Variants in CALCRL observed in about 807,000 individuals in gnomAD.
CALCRL encodes the protein calcitonin receptor like receptor, also known as calcitonin gene-related peptide type 1 receptor.
A neutral mutation model predicts 60.4 loss-of-function variants in CALCRL; 27 were observed. That is an observed-to-expected ratio of 0.45 (90% CI 0.33 to 0.62). CALCRL has a LOEUF of 0.62. Ranked by LOEUF, CALCRL falls within the 20% of genes least tolerant of loss-of-function variation. The pLI is 0.03. For synonymous variants in CALCRL, 190 were observed against 182.6 expected (o/e 1.04, Z -0.33); for missense variants, 424 against 540.7 (o/e 0.78, Z 2.14).
chr2:187,393,161 C>T (rs1007404956), intron 1 of CALCRL, among the ~76,000 whole-genome samples: 3 of 152,052 alleles, frequency 2.0e-5, no homozygotes, highest in African/African-American at 7.2e-5. Context: ...GGGCCACCTG[C>T]ATCAGAATCA....
Position 187,380,562 on chromosome 2 carries a change from A to C in CALCRL, c.313T>G (p.Cys105Gly), listed in dbSNP as rs764002527. The C allele has an allele frequency of 2.5e-6, 4 of 1,612,586 alleles. No homozygotes were observed. Among genetic ancestry groups the C allele is most frequent in the Non-Finnish European group, 2.5e-6 (3 of 1,178,804 alleles). Residue 105 changes from cysteine (C) to glycine (G), a missense_variant, in exon 7 of 15, where the codon TGT (cysteine) becomes GGT (glycine). Around this residue, in one of 7 missense-constraint regions of CALCRL, gnomAD observed 108 missense variants for 132.9 expected, o/e 0.81. Coordinates refer to ENST00000392370, the MANE Select transcript of CALCRL (RefSeq NM_005795.6). Reference protein sequence around the residue: ...FDPSEKVTKICDQDGNWFRHP... With the variant: ...FDPSEKVTKIGDQDGNWFRHP... The stretch of plus-strand genomic sequence containing the variant: ...CTAAACCAGTTTCCATCTTGGTCAC[A>C]GATCTTTGTAACTTTTTCTTTAAAA...
At chr2:187,369,838 A>C (rs1056687709) in intron 8 of CALCRL, among the ~76,000 whole-genome samples, 1 of 152,154 alleles carries the variant, frequency 6.6e-6, no homozygotes, top group African/African-American at 2.4e-5. Flanking sequence ...GAAACAAGAG[A>C]GTATAGAGGA....
intron 8 of CALCRL, among the ~76,000 whole-genome samples, chr2:187,372,158 ATTTTCT>A (rs1687555129): frequency 6.7e-6 from 1 of 149,170 alleles, no homozygotes; most frequent in Admixed American, 6.7e-5. Context: ...AACCAACAAC[ATTTTCT>A]TTTTTTTTTT....
chr2:187,375,525 A>G lies in CALCRL; in HGVS notation c.500+3415T>C, dbSNP rs974326974. Among the ~76,000 whole-genome samples the G allele has an allele frequency of 2.6e-5, 4 of 152,320 alleles. No individual in the cohort carries two copies. In the South Asian group the frequency reaches 8.3e-4, roughly 32 times the overall value. On this transcript the variant is annotated intron_variant, in intron 8 of 14. Transcript: ENST00000392370. Reference sequence around the variant, plus strand: ...TCATTTGCTTTAACAAAGTGTTGCCAATGTAGCATGTTATACATCTTGTTT... The same window carrying G: ...TCATTTGCTTTAACAAAGTGTTGCCGATGTAGCATGTTATACATCTTGTTT...
intron 1 of CALCRL, among the ~76,000 whole-genome samples, chr2:187,415,345 C>T (rs1268893521): frequency 6.6e-6 from 1 of 152,104 alleles, no homozygotes; most frequent in African/African-American, 2.4e-5. Flanking sequence ...AGGCAATTCA[C>T]AAAATGTGTC....
chr2:187,360,656 A>G lies in CALCRL; in HGVS notation c.723T>C (p.Ile241=). 6.2e-7 allele frequency: 1 copy of G among 1,612,814 alleles called. No individual in the cohort carries two copies. The highest frequency in any genetic ancestry group is 1.3e-5 in the African/African-American group (1 of 74,980). ...LCEGIYLHTL[I]VVAVFAEKQH... ...GCTTCTCTGCAAACACGGCCACCAC[A>G]ATGAGTGTGTGTAGGTAAATGCCTT... The change falls in exon 10 of 15, where the codon ATT becomes ATC. Residue 241 remains isoleucine (I), a synonymous_variant. Transcript: ENST00000392370.
chr2:187,446,827 A>C (rs905050744), intron 1 of CALCRL, among the ~76,000 whole-genome samples: 1 of 151,914 alleles, frequency 6.6e-6, no homozygotes, highest in African/African-American at 2.4e-5. Context: ...TTTGTGGAAA[A>C]ATTGAGTTGT....
chr2:187,382,587 T>C (rs560340861), intron 5 of CALCRL, among the ~76,000 whole-genome samples: 25 of 152,310 alleles, frequency 1.6e-4, no homozygotes, highest in Admixed American at 1.4e-3. Flanking sequence ...GTTTTTGTTA[T>C]TGCTTTATCT....
intron 1 of CALCRL, among the ~76,000 whole-genome samples, chr2:187,393,207 G>A (rs1252834109): frequency 1.3e-5 from 2 of 151,990 alleles, no homozygotes; most frequent in African/African-American, 4.8e-5. Context: ...AAATGGCCAG[G>A]CCCCACAAAG....
At chr2:187,440,685 C>T (rs182999912) in intron 1 of CALCRL, among the ~76,000 whole-genome samples, 4 of 152,136 alleles carry the variant, frequency 2.6e-5, no homozygotes, top group Admixed American at 2.6e-4. Context: ...TGTGTTATAT[C>T]TAAACTCAAA....
chr2:187,394,499 A>C (rs1300773939), intron 1 of CALCRL, among the ~76,000 whole-genome samples: 2 of 152,078 alleles, frequency 1.3e-5, no homozygotes, highest in Non-Finnish European at 2.9e-5. Flanking sequence ...CTTACCTGAC[A>C]AAAATTACAT....
chr2:187,348,361 AT>A (rs1158740002), intron 14 of CALCRL, among the ~76,000 whole-genome samples: 1 of 151,622 alleles, frequency 6.6e-6, no homozygotes, highest in East Asian at 1.9e-4. Context: ...ACTTCTCCTA[AT>A]TTTGTTACTA....
At chr2:187,380,645 A>C in intron 6 of CALCRL, 32 bp downstream of exon 6, 3 of 1,587,004 alleles carry the variant, frequency 1.9e-6, no homozygotes, top group Non-Finnish European at 2.6e-6. Context: ...AATAGATGTC[A>C]AGGAGATATG....
chr2:187,359,662 A>G (rs549677133), intron 10 of CALCRL, among the ~76,000 whole-genome samples: 1 of 152,250 alleles, frequency 6.6e-6, no homozygotes, highest in South Asian at 2.1e-4. Flanking sequence ...AAAGTTGAGA[A>G]TCACAAGAAC....
At chr2:187,361,794 T>C (rs1201406975) in intron 9 of CALCRL, among the ~76,000 whole-genome samples, 1 of 151,990 alleles carries the variant, frequency 6.6e-6, no homozygotes, top group Non-Finnish European at 1.5e-5. Context: ...CAATCAAATC[T>C]ACAACCTGAA....
intron 1 of CALCRL, among the ~76,000 whole-genome samples, chr2:187,417,215 A>G (rs1689651815): frequency 6.6e-6 from 1 of 152,072 alleles, no homozygotes; most frequent in Non-Finnish European, 1.5e-5. Context: ...TGATGTTTCA[A>G]AGATATACTC....
intron 9 of CALCRL, among the ~76,000 whole-genome samples, chr2:187,362,989 A>T (rs1054076009): frequency 2.0e-5 from 3 of 152,082 alleles, no homozygotes; most frequent in Non-Finnish European, 4.4e-5. Flanking sequence ...TTTCATTTGG[A>T]TTGAATAAAT....
At chr2:187,427,842 C>A (rs1230616770) in intron 1 of CALCRL, among the ~76,000 whole-genome samples, 1 of 152,024 alleles carries the variant, frequency 6.6e-6, no homozygotes, top group Non-Finnish European at 1.5e-5. Flanking sequence ...AAGAGAGAGG[C>A]CAAAATAGAT....
intron 1 of CALCRL, among the ~76,000 whole-genome samples, chr2:187,407,289 TG>T (rs1200625362): frequency 1.3e-5 from 2 of 152,116 alleles, no homozygotes; most frequent in Non-Finnish European, 2.9e-5. Flanking sequence ...TAATTAACAT[TG>T]TTTTATACTT....
Sources: gnomAD v4.1 joint callset for allele counts (sites outside exome capture counted in the v4.1 genomes callset) on GRCh38, gnomAD v4.1.1 for gene constraint, gnomAD v4.1.1 regional missense constraint, MANE v1.5 for transcripts, NCBI Gene and HGNC (gene_info 2026-07-23, HGNC 2026-07-21) for gene names.